Variants in MSI2 observed in about 807,000 individuals in gnomAD.
MSI2 encodes RNA-binding protein Musashi homolog 2.
A neutral mutation model predicts 45.6 loss-of-function variants in MSI2; 17 were observed. The observed-to-expected ratio is 0.37, with a 90% CI of 0.26 to 0.56. The LOEUF is 0.56. MSI2 is among the 20% of genes least tolerant of loss of function. The probability of loss-of-function intolerance (pLI) is 0.77; values close to 1 mark genes in which losing one functional copy is unlikely to be tolerated. For missense variants in MSI2, 293 were observed against 444.2 expected, an observed-to-expected ratio of 0.66 and a Z score of 3.06; for synonymous variants, 156 against 158.2, an observed-to-expected ratio of 0.99 and a Z score of 0.11.
intron 6 of MSI2, among the ~76,000 whole-genome samples, chr17:57,401,794 A>C (rs2083996849): frequency 6.6e-6 from 1 of 152,106 alleles, no homozygotes; most frequent in African/African-American, 2.4e-5. Flanking sequence ...TGTGACTCGC[A>C]GGGCAGGAGC....
chr17:57,312,106 G>A (rs2143612052), intron 5 of MSI2, among the ~76,000 whole-genome samples: 1 of 152,354 alleles, frequency 6.6e-6, no homozygotes, highest in Admixed American at 6.5e-5. Flanking sequence ...CCCAGCAGCC[G>A]AGCCATCAAC....
chr17:57,350,134 A>G (rs1915898461), intron 5 of MSI2, among the ~76,000 whole-genome samples: 2 of 151,930 alleles, frequency 1.3e-5, no homozygotes. Flanking sequence ...TTAGGTTGTA[A>G]TCTTCTCAGA....
At chr17:57,258,708 T>C (rs1907043195) in intron 4 of MSI2, among the ~76,000 whole-genome samples, 1 of 152,176 alleles carries the variant, frequency 6.6e-6, no homozygotes, top group African/African-American at 2.4e-5. Flanking sequence ...CAACTGTGGC[T>C]GTGGGGATCA....
chr17:57,545,716 G>A (rs979556674), intron 7 of MSI2, among the ~76,000 whole-genome samples: 6 of 152,246 alleles, frequency 3.9e-5, no homozygotes, highest in African/African-American at 7.2e-5. Context: ...AATGGAGCTC[G>A]TTAACCCATC....
intron 6 of MSI2, among the ~76,000 whole-genome samples, chr17:57,468,578 G>A (rs550457596): frequency 6.6e-6 from 1 of 150,410 alleles, no homozygotes; most frequent in South Asian, 2.1e-4. Context: ...CGCAATACAT[G>A]TAGCATTTAT....
At chr17:57,450,255 T>TAAAGAAAGAAAGAAAGAAAGAAGG (rs1214315332) in intron 6 of MSI2, 60 of 76,062 alleles carry the variant, frequency 7.9e-4, no homozygotes, top group African/African-American at 2.2e-3. Flanking sequence ...TTCCCCAGCT[T>TAAAGAAAGAAAGAAAGAAAGAAGG]AAAGAAAGAA....
Position 57,529,706 on chromosome 17 carries a change from A to G in MSI2, c.436A>G (p.Thr146Ala). 6.2e-7 allele frequency: 1 copy of G among 1,613,256 alleles called. No individual in the cohort carries two copies. The highest frequency in any genetic ancestry group is 1.1e-5 in the South Asian group (1 of 90,872). Residue 146 changes from threonine to alanine, a missense_variant, in exon 7 of 14, where the codon ACT (threonine) becomes GCT (alanine). By Grantham distance (58) the Thr-to-Ala change is moderately conservative (BLOSUM62 0). Transcript: ENST00000284073. This position sits in a 1 kb window ranked among gnomAD's most constrained non-coding sequence, Gnocchi z 5.3. The part of the protein sequence containing the change: ...VEDAMLMFDK[T>A]TNRHRGFGFV... ...AGATGCAATGCTGATGTTTGATAAAACTACCAACAGGCACAGAGGTAAGAT... is the reference window on the plus strand; with the variant it reads ...AGATGCAATGCTGATGTTTGATAAAGCTACCAACAGGCACAGAGGTAAGAT...
chr17:57,401,594 G>A, intron 6 of MSI2, 123 bp downstream of exon 6: 1 of 711,748 alleles, frequency 1.4e-6, no homozygotes, highest in Non-Finnish European at 2.4e-6. Flanking sequence ...CTTGAACCTG[G>A]CCATCATGAT....
intron 7 of MSI2, among the ~76,000 whole-genome samples, chr17:57,568,037 A>G (rs577280607): frequency 6.6e-6 from 1 of 152,290 alleles, no homozygotes; most frequent in East Asian, 1.9e-4. Flanking sequence ...TGGGACCTGA[A>G]TTGATCTAAC....
intron 5 of MSI2, among the ~76,000 whole-genome samples, chr17:57,392,019 T>G (rs1488049001): frequency 1.3e-5 from 2 of 152,164 alleles, no homozygotes; most frequent in African/African-American, 4.8e-5. Flanking sequence ...CCCAGAGGGA[T>G]GGAGTGATGG....
intron 7 of MSI2, among the ~76,000 whole-genome samples, chr17:57,543,345 TA>T (rs1207472238): frequency 1.3e-5 from 2 of 152,206 alleles, no homozygotes; most frequent in Non-Finnish European, 2.9e-5. Flanking sequence ...ACACTGAAAG[TA>T]TTGGTTTGAA....
Position 57,257,512 on chromosome 17 carries a change from T to C in MSI2, c.150T>C (p.Cys50=). The C allele has an allele frequency of 6.2e-7, 1 of 1,602,404 alleles. No individual in the cohort carries two copies. Among genetic ancestry groups the C allele is most frequent in the East Asian group, 2.2e-5 (1 of 44,796 alleles). The stretch of plus-strand genomic sequence containing the variant: ...GCAAATTTGGAGAAATTAGAGAATG[T>C]ATGGTCATGAGAGATCCCACTACGA... ...YFSKFGEIRE[C]MVMRDPTTKR... is the part of the protein sequence containing the mutation. The change falls in exon 3 of 14, where the codon TGT becomes TGC. Residue 50 remains cysteine, a synonymous_variant. Transcript: ENST00000284073.
At chr17:57,507,544 G>A (rs1330517232) in intron 6 of MSI2, among the ~76,000 whole-genome samples, 1 of 152,118 alleles carries the variant, frequency 6.6e-6, no homozygotes, top group East Asian at 1.9e-4. Context: ...CAAATGACTT[G>A]TGGCCAAGAT....
intron 7 of MSI2, among the ~76,000 whole-genome samples, chr17:57,530,878 T>C (rs531188086): frequency 1.8e-4 from 27 of 151,668 alleles, no homozygotes; most frequent in South Asian, 1.7e-3. Flanking sequence ...TGGCTTCAAA[T>C]GCATCCCTCT....
chr17:57,675,160 C>T (rs895183345), intron 12 of MSI2, 34 bp downstream of exon 12: 5 of 1,591,288 alleles, frequency 3.1e-6, no homozygotes, highest in East Asian at 2.2e-5. Flanking sequence ...CTCCTGCCTC[C>T]TCCTTCCTGA....
intron 10 of MSI2, among the ~76,000 whole-genome samples, chr17:57,643,563 CT>C (rs1430976489): frequency 4.6e-5 from 7 of 152,218 alleles, no homozygotes; most frequent in Non-Finnish European, 1.5e-5. Flanking sequence ...GCTGGGCCCC[CT>C]GGTTCCGCAC....
At chr17:57,339,469 G>T (rs117961760) in intron 5 of MSI2, among the ~76,000 whole-genome samples, 2,230 of 152,190 alleles carry the variant, frequency 0.015, 20 homozygotes, top group Non-Finnish European at 0.022. Flanking sequence ...AACTGGCAGC[G>T]TTGGTTTGGG....
At chr17:57,662,767 G>A (rs1423312816) in intron 11 of MSI2, among the ~76,000 whole-genome samples, 2 of 152,194 alleles carry the variant, frequency 1.3e-5, no homozygotes, top group African/African-American at 4.8e-5. Context: ...GCCTCAGGAG[G>A]CGGTATAAGT....
the MSI2 span, among the ~76,000 whole-genome samples, chr17:57,700,449 A>G: frequency 7.2e-5 from 11 of 152,214 alleles, no homozygotes; most frequent in Non-Finnish European, 7.3e-5. Context: ...AGTGCTCATC[A>G]AAGAATTAGG....
Sources: gnomAD v4.1 joint callset for allele counts (sites outside exome capture counted in the v4.1 genomes callset) on GRCh38, gnomAD v4.1.1 for gene constraint, Gnocchi (gnomAD v3.1) non-coding constraint, MANE v1.5 for transcripts, NCBI Gene and HGNC (gene_info 2026-07-23, HGNC 2026-07-21) for gene names.